DUSP5: variants seen among roughly 807,000 people sequenced by gnomAD.
DUSP5 encodes the protein dual specificity phosphatase 5, also known as dual specificity protein phosphatase 5.
In DUSP5, 22 loss-of-function variants were observed where a neutral mutation model predicts 33.6. The ratio of observed to expected loss-of-function variants is 0.66; its 90% CI spans 0.47 to 0.94. The LOEUF (loss-of-function observed/expected upper bound fraction) is 0.94, where lower values mean the gene tolerates loss of function less well. Ranked by LOEUF, DUSP5 falls within the 40% of genes least tolerant of loss-of-function variation. The pLI is 0.00. For missense variants in DUSP5, 551 were observed against 522.1 expected (o/e 1.06, Z -0.54); for synonymous variants, 270 against 231.1 (o/e 1.17, Z -1.53).
rs1455264114 is a variant in DUSP5 at position 110,510,094 on chromosome 10, A to G, written c.823A>G (p.Met275Val). The G allele has an allele frequency of 6.2e-6, 10 of 1,614,046 alleles. No individual in the cohort carries two copies. In the Admixed American group the frequency reaches 8.3e-5, roughly 13 times the overall value. Reference protein sequence around the residue: ...AGISRSPTICMAYLMKTKQFR... With the variant: ...AGISRSPTICVAYLMKTKQFR... ...GATCTCCCGTTCACCCACCATCTGCATGGCTTACCTTATGAAGACCAAGCA... is the reference window on the plus strand; with the variant it reads ...GATCTCCCGTTCACCCACCATCTGCGTGGCTTACCTTATGAAGACCAAGCA... Residue 275 changes from methionine (M) to valine (V), a missense_variant, in exon 4 of 4, where the codon ATG (methionine) becomes GTG (valine). Transcript: ENST00000369583.
rs1006198119 is a variant in DUSP5 at position 110,510,539 on chromosome 10, C to A, written c.*113C>A. On this transcript the variant is annotated 3_prime_UTR_variant, in exon 4 of 4. Coordinates refer to ENST00000369583, the MANE Select transcript of DUSP5 (RefSeq NM_004419.4). The stretch of plus-strand genomic sequence containing the variant: ...TGAAGACCTCATTCTGTCATGCTGC[C>A]CCAGTGAGATAGTGAGTGGTCACCA... 2 of 1,343,096 alleles carry A rather than the reference C, an allele frequency of 1.5e-6. No homozygotes were observed. Among genetic ancestry groups the A allele is most frequent in the African/African-American group, 1.5e-5 (1 of 67,848 alleles). 83.2% of individuals were successfully genotyped at this position (1,343,096 alleles called of 1,614,324 possible). A position where few individuals can be genotyped will look rare whatever the true frequency, so the allele number is the denominator to read the frequency against.
intron 3 of DUSP5, among the ~76,000 whole-genome samples, chr10:110,508,198 G>T (rs376056707): frequency 6.6e-6 from 1 of 152,136 alleles, no homozygotes; most frequent in Non-Finnish European, 1.5e-5. Flanking sequence ...GCAAAAGGCC[G>T]AGCCTGTCCT....
At chr10:110,506,761 C>G (rs934116441) in intron 2 of DUSP5, among the ~76,000 whole-genome samples, 174 bp from the exon 3 acceptor site, 4 of 152,214 alleles carry the variant, frequency 2.6e-5, no homozygotes, top group African/African-American at 9.6e-5. Flanking sequence ...AGAGAGTTGG[C>G]CAGGATGGAG....
rs1247166408 is a variant in DUSP5, at chr10:110,506,873, T to C, written c.529-62T>C. The C allele has an allele frequency of 3.2e-6, 5 of 1,557,812 alleles. No individual in the cohort carries two copies. In the East Asian group the frequency reaches 1.1e-4, roughly 35 times the overall value. ...AAACAAATAGGTCGGAGTTGTTTTT[T>C]CCTCTCTCAAATGAACAAGCTAATC... is the stretch of plus-strand genomic sequence containing the variant. On this transcript the variant is annotated intron_variant, in intron 2 of 3. Coordinates refer to ENST00000369583, the MANE Select transcript of DUSP5 (RefSeq NM_004419.4).
At chr10:110,500,349 C>T (rs1564772607) in intron 1 of DUSP5, among the ~76,000 whole-genome samples, 2 of 152,220 alleles carry the variant, frequency 1.3e-5, no homozygotes, top group African/African-American at 4.8e-5. Context: ...CTTGCGTGTG[C>T]AGTGCCTTTC....
At chr10:110,508,154 T>C (rs1590519303) in intron 3 of DUSP5, among the ~76,000 whole-genome samples, 1 of 151,934 alleles carries the variant, frequency 6.6e-6, no homozygotes, top group Non-Finnish European at 1.5e-5. Flanking sequence ...CAATTTCTGC[T>C]CCCCAGGAAA....
At chr10:110,506,724 T>A (rs767931607) in intron 2 of DUSP5, among the ~76,000 whole-genome samples, 6 of 152,168 alleles carry the variant, frequency 3.9e-5, no homozygotes, top group Non-Finnish European at 8.8e-5. Context: ...TTTGCTGTCA[T>A]TGAGTCACAA....
At chr10:110,506,818 G>T in intron 2 of DUSP5, 117 bp from the exon 3 acceptor site, 3 of 1,153,574 alleles carry the variant, frequency 2.6e-6, no homozygotes, top group Non-Finnish European at 3.8e-6. Flanking sequence ...ACTCCACTTG[G>T]AAACCAGAAA....
intron 1 of DUSP5, among the ~76,000 whole-genome samples, chr10:110,500,578 C>A (rs914920572): frequency 6.6e-6 from 1 of 152,208 alleles, no homozygotes; most frequent in African/African-American, 2.4e-5. Context: ...TTTCCATAAT[C>A]CCCTGTCTCC....
chr10:110,497,919 GGCGAGCGGCCGGGCTGGCTATCGA>G lies in DUSP5; in HGVS notation c.-194_-171del. On this transcript the variant is annotated 5_prime_UTR_variant, in exon 1 of 4. Transcript: ENST00000369583. ...CGGCGGAATCCCCGGCTTCTAGGGC[GGCGAGCGGCCGGGCTGGCTATCGA>G]GCGAGCGGGGCGGGAACGCGGAGTT... is the stretch of plus-strand genomic sequence containing the variant. 4.4e-6 allele frequency: 1 copy of G among 227,794 alleles called. No individual in the cohort carries two copies. Among genetic ancestry groups the G allele is most frequent in the Middle Eastern group, 2.1e-3 (1 of 476 alleles). 14.1% of individuals were successfully genotyped at this position (227,794 alleles called of 1,614,324 possible). A position where few individuals can be genotyped will look rare whatever the true frequency, so the allele number is the denominator to read the frequency against.
At chr10:110,503,076 T>A (rs972223554) in intron 2 of DUSP5, among the ~76,000 whole-genome samples, 2 of 152,180 alleles carry the variant, frequency 1.3e-5, no homozygotes, top group African/African-American at 4.8e-5. Context: ...TGGGCTTCCT[T>A]CCAGCAAACG....
At chr10:110,506,182 C>T (rs929184560) in intron 2 of DUSP5, among the ~76,000 whole-genome samples, 4 of 152,114 alleles carry the variant, frequency 2.6e-5, no homozygotes, top group African/African-American at 9.7e-5. Flanking sequence ...ATAATCCCAG[C>T]ACTTCAGGAG....
In DUSP5 at chr10:110,507,078, C is replaced by T; in HGVS notation, c.672C>T (p.His224=). 6.2e-7 allele frequency: 1 copy of T among 1,614,238 alleles called. No individual in the cohort carries two copies. The highest frequency in any genetic ancestry group is 8.5e-7 in the Non-Finnish European group (1 of 1,180,042). Residue 224 remains histidine, a synonymous_variant, in exon 3 of 4, where the codon CAC becomes CAT. Coordinates refer to ENST00000369583, the MANE Select transcript of DUSP5 (RefSeq NM_004419.4). ...CCGAGGCCTGCGCGACCCACCTACA[C>T]TACAAATGGATCCCTGTGGAAGACA... ...RTSEACATHL[H]YKWIPVEDSH...
chr10:110,509,932 AG>A, intron 3 of DUSP5, 87 bp from the exon 4 acceptor site: 2 of 1,487,978 alleles, frequency 1.3e-6, no homozygotes, highest in Non-Finnish European at 1.8e-6. Context: ...TTTCATATCT[AG>A]GTTACTCCAG....
rs1452914380 is a variant in DUSP5 at position 110,510,076 on chromosome 10, C to T, written c.805C>T (p.Arg269Cys). 4.3e-6 allele frequency: 7 copies of T among 1,613,832 alleles called. No homozygotes were observed. Among genetic ancestry groups the T allele is most frequent in the South Asian group, 2.2e-5 (2 of 91,060 alleles). Residue 269 changes from arginine to cysteine, a missense_variant, in exon 4 of 4, where the codon CGT (arginine) becomes TGT (cysteine). Transcript: ENST00000369583. Reference sequence around the variant, plus strand: ...GGTCCACTGTGAGGCTGGGATCTCCCGTTCACCCACCATCTGCATGGCTTA... The same window carrying T: ...GGTCCACTGTGAGGCTGGGATCTCCTGTTCACCCACCATCTGCATGGCTTA... ...VLVHCEAGIS[R>C]SPTICMAYLM...
At chr10:110,503,085 C>T (rs11594185) in intron 2 of DUSP5, among the ~76,000 whole-genome samples, 44,580 of 152,052 alleles carry the variant, frequency 0.29, 6,734 homozygotes, top group East Asian at 0.37. Flanking sequence ...TTCCAGCAAA[C>T]GAGCTGACAA....
chr10:110,508,026 T>C lies in DUSP5; in HGVS notation c.748+872T>C, dbSNP rs563285151. ...GAAACTGACGCGTGATTTTCCTGTC[T>C]CTTGTTCCAAGGGATGTTGGAGGAG... On this transcript the variant is annotated intron_variant, in intron 3 of 3. Coordinates refer to ENST00000369583, the MANE Select transcript of DUSP5 (RefSeq NM_004419.4). 5.3e-5 allele frequency among the ~76,000 whole-genome samples: 8 copies of C among 152,366 alleles called. No individual in the cohort carries two copies. The South Asian group carries it at 1.7e-3, about 32-fold the overall frequency.
chr10:110,498,460 C>G lies in DUSP5; in HGVS notation c.339C>G (p.Leu113=), dbSNP rs752833763. ...SAARVVLTSL[L]ACLPAGPRVY... is the part of the protein sequence containing the mutation. ...CGCGTGTCGTCCTCACCTCGCTACTCGCTTGCCTACCCGCCGGCCCGCGGG... is the reference window on the plus strand; with the variant it reads ...CGCGTGTCGTCCTCACCTCGCTACTGGCTTGCCTACCCGCCGGCCCGCGGG... The change falls in exon 1 of 4, where the codon CTC becomes CTG. Residue 113 remains leucine, a synonymous_variant. Coordinates refer to ENST00000369583, the MANE Select transcript of DUSP5 (RefSeq NM_004419.4). The G allele has an allele frequency of 6.5e-7, 1 of 1,540,718 alleles. No homozygotes were observed. The highest frequency in any genetic ancestry group is 1.9e-5 in the Admixed American group (1 of 53,648).
At chr10:110,499,098 C>T (rs892018325) in intron 1 of DUSP5, among the ~76,000 whole-genome samples, 3 of 152,144 alleles carry the variant, frequency 2.0e-5, no homozygotes, top group East Asian at 3.9e-4. Flanking sequence ...AGCTCACATC[C>T]TTTCCACCCT....
Sources: gnomAD v4.1 joint callset for allele counts (sites outside exome capture counted in the v4.1 genomes callset) on GRCh38, gnomAD v4.1.1 for gene constraint, MANE v1.5 for transcripts, NCBI Gene and HGNC (gene_info 2026-07-23, HGNC 2026-07-21) for gene names.